Variants in CNTNAP2 observed in about 807,000 individuals in gnomAD.
CNTNAP2 encodes the protein contactin associated protein 2.
In CNTNAP2, 98 loss-of-function variants were observed where a neutral mutation model predicts 155.2. The observed-to-expected ratio is 0.63, with a 90% CI of 0.54 to 0.75. CNTNAP2 has a LOEUF of 0.75. Ranked by LOEUF, CNTNAP2 falls within the 30% of genes least tolerant of loss-of-function variation. The pLI, the probability that CNTNAP2 is intolerant of heterozygous loss-of-function variation, is 0.00. For missense variants in CNTNAP2, 1,727 were observed against 1,688.1 expected, an observed-to-expected ratio of 1.02 and a Z score of -0.40; for synonymous variants, 651 against 631.2, an observed-to-expected ratio of 1.03 and a Z score of -0.47.
chr7:146,761,193 C>T (rs1802091064), intron 1 of CNTNAP2, among the ~76,000 whole-genome samples: 1 of 152,098 alleles, frequency 6.6e-6, no homozygotes, highest in Admixed American at 6.6e-5. Context: ...CCCTTACGTC[C>T]ACCCTAATAG....
At chr7:148,206,570 C>T (rs773824458) in intron 18 of CNTNAP2, among the ~76,000 whole-genome samples, 48 of 152,174 alleles carry the variant, frequency 3.2e-4, no homozygotes, top group Non-Finnish European at 6.5e-4. Context: ...CATCACCCCA[C>T]ATTTAATACC....
At chr7:147,736,893 C>G (rs1197714825) in intron 13 of CNTNAP2, among the ~76,000 whole-genome samples, 4 of 152,184 alleles carry the variant, frequency 2.6e-5, no homozygotes, top group Non-Finnish European at 4.4e-5. Flanking sequence ...AAGGACTTCT[C>G]TGCATTGGTT....
intron 21 of CNTNAP2, among the ~76,000 whole-genome samples, chr7:148,303,810 G>T (rs1238874411): frequency 6.6e-6 from 1 of 152,172 alleles, no homozygotes; most frequent in Non-Finnish European, 1.5e-5. Flanking sequence ...GTGTTTAATG[G>T]CTAAGACAGC....
chr7:148,213,493 G>T (rs908004335), intron 18 of CNTNAP2, among the ~76,000 whole-genome samples: 5 of 152,012 alleles, frequency 3.3e-5, no homozygotes, highest in African/African-American at 1.2e-4. Flanking sequence ...AATTTCAAGC[G>T]CCTGGTATGC....
intron 13 of CNTNAP2, among the ~76,000 whole-genome samples, chr7:147,640,642 G>T (rs1424723800): frequency 1.3e-5 from 2 of 152,126 alleles, no homozygotes; most frequent in Non-Finnish European, 2.9e-5. Flanking sequence ...ATGACTGAAG[G>T]AACACCAAGG....
chr7:147,639,213 A>G lies in CNTNAP2; in HGVS notation c.2005A>G (p.Met669Val), dbSNP rs1795236116. The part of the protein sequence containing the change: ...SVTQLVYSAS[M>V]DQISAITDSA... ...GACACAGCTCGTTTACAGCGCCTCC[A>G]TGGACCAGATAAGTGCCATCACTGA... The change falls in exon 13 of 24, where the codon ATG becomes GTG. Residue 669 changes from methionine to valine, a missense_variant. Physicochemically the swap from Met to Val is conservative, Grantham distance 21 (BLOSUM62 1). Coordinates refer to ENST00000361727, the MANE Select transcript of CNTNAP2 (RefSeq NM_014141.6). 1 of 1,614,170 alleles carries G rather than the reference A, an allele frequency of 6.2e-7. No homozygotes were observed. The highest frequency in any genetic ancestry group is 1.3e-5 in the African/African-American group (1 of 75,058).
chr7:147,172,671 A>G (rs531923627), intron 8 of CNTNAP2, among the ~76,000 whole-genome samples: 4 of 152,302 alleles, frequency 2.6e-5, no homozygotes, highest in African/African-American at 7.2e-5. Context: ...TTTAAAAAAA[A>G]GCCATCAAGA....
intron 21 of CNTNAP2, among the ~76,000 whole-genome samples, chr7:148,291,654 C>T (rs1410717334): frequency 6.6e-6 from 1 of 152,096 alleles, no homozygotes; most frequent in Non-Finnish European, 1.5e-5. Context: ...CACCCAGGAC[C>T]AATACTTTGC....
intron 21 of CNTNAP2, among the ~76,000 whole-genome samples, chr7:148,348,386 G>A (rs182805690): frequency 5.3e-4 from 80 of 152,286 alleles, no homozygotes; most frequent in Non-Finnish European, 9.6e-4. Context: ...ATTTTTGCAA[G>A]GACATATTTA....
intron 13 of CNTNAP2, among the ~76,000 whole-genome samples, chr7:147,871,984 G>A (rs573148140): frequency 2.3e-4 from 35 of 152,232 alleles, no homozygotes; most frequent in African/African-American, 8.2e-4. Context: ...TTATTCACAT[G>A]AGTGAAATTG....
chr7:147,550,983 A>C (rs886617785), intron 11 of CNTNAP2, among the ~76,000 whole-genome samples: 54 of 152,214 alleles, frequency 3.5e-4, no homozygotes, highest in Admixed American at 3.5e-3. Flanking sequence ...CATAGAATTT[A>C]AATATTCAGT....
At chr7:146,188,900 T>C (rs1435371146) in intron 1 of CNTNAP2, among the ~76,000 whole-genome samples, 1 of 152,156 alleles carries the variant, frequency 6.6e-6, no homozygotes. Context: ...GTTTTTCAAA[T>C]GTGGCTGTAC....
intron 13 of CNTNAP2, among the ~76,000 whole-genome samples, chr7:147,722,495 T>C (rs2117029136): frequency 6.6e-6 from 1 of 152,226 alleles, no homozygotes; most frequent in African/African-American, 2.4e-5. Context: ...TCCGGCAGTT[T>C]GCACAGCCCT....
intron 13 of CNTNAP2, among the ~76,000 whole-genome samples, chr7:147,902,331 T>A (rs1409337456): frequency 6.6e-6 from 1 of 152,202 alleles, no homozygotes; most frequent in Non-Finnish European, 1.5e-5. Flanking sequence ...CATGTAAAAT[T>A]GTGATATATA....
At chr7:146,860,570 A>G (rs1013565646) in intron 3 of CNTNAP2, among the ~76,000 whole-genome samples, 4 of 152,210 alleles carry the variant, frequency 2.6e-5, no homozygotes, top group African/African-American at 9.6e-5. Context: ...TTTATCTGAA[A>G]GAAAAATGGA....
At chr7:147,655,522 G>T (rs950398400) in intron 13 of CNTNAP2, among the ~76,000 whole-genome samples, 2 of 152,222 alleles carry the variant, frequency 1.3e-5, no homozygotes, top group African/African-American at 4.8e-5. Context: ...CATTAATCTT[G>T]TTCATCTCCA....
chr7:147,436,384 T>A (rs552463913), intron 10 of CNTNAP2, among the ~76,000 whole-genome samples: 1 of 152,292 alleles, frequency 6.6e-6, no homozygotes, highest in East Asian at 1.9e-4. Context: ...AAATTTTTAA[T>A]TTGATGTTAT....
intron 15 of CNTNAP2, among the ~76,000 whole-genome samples, chr7:148,059,633 G>GCTGTATA (rs756857299): frequency 4.8e-4 from 72 of 149,332 alleles, no homozygotes; most frequent in Non-Finnish European, 3.0e-4. Flanking sequence ...AATTCATCAT[G>GCTGTATA]CTGTATACTT....
In CNTNAP2 at chr7:146,704,924, A is replaced by G. The variant is rs558972982; in HGVS notation, c.98-69347A>G. 3.3e-5 allele frequency among the ~76,000 whole-genome samples: 5 copies of G among 152,222 alleles called. No homozygotes were observed. The South Asian group carries it at 1.0e-3, about 32-fold the overall frequency. On this transcript the variant is annotated intron_variant, in intron 1 of 23. Coordinates refer to ENST00000361727, the MANE Select transcript of CNTNAP2 (RefSeq NM_014141.6). ...ATCACCTAAATTTTCTTTCCTGTCA[A>G]CTTTCCTTGAAGAGAATATTTCTTT...
Sources: allele counts gnomAD v4.1 joint callset (sites outside exome capture counted in the v4.1 genomes callset), GRCh38; gene constraint gnomAD v4.1.1; transcripts MANE v1.5; gene names NCBI Gene and HGNC (gene_info 2026-07-23, HGNC 2026-07-21).